Variants in KCNK2 observed in about 807,000 individuals in gnomAD.
KCNK2 encodes the protein potassium channel subfamily K member 2.
In KCNK2, 21 loss-of-function variants were observed where a neutral mutation model predicts 40.5. The observed-to-expected ratio is 0.52, with a 90% CI of 0.37 to 0.75. The LOEUF is 0.75. KCNK2 is among the 30% of genes least tolerant of loss of function. The pLI, the probability that KCNK2 is intolerant of heterozygous loss-of-function variation, is 0.00. For synonymous variants in KCNK2, 191 were observed against 202.2 expected (o/e 0.94, Z 0.47); for missense variants, 399 against 531.6 (o/e 0.75, Z 2.45).
chr1:215,220,349 G>A (rs1666120523), intron 6 of KCNK2, among the ~76,000 whole-genome samples: 1 of 151,998 alleles, frequency 6.6e-6, no homozygotes, highest in African/African-American at 2.4e-5. Flanking sequence ...TTGAGTTGCC[G>A]CTACTGCCAC....
In KCNK2 at chr1:215,137,987, A is replaced by G. The variant is rs142378900; in HGVS notation, c.475+13237A>G. On this transcript the variant is annotated intron_variant, in intron 3 of 6. Transcript: ENST00000444842. ...TTCTCAAAGGGGTCCATAAACCACA[A>G]AAGGGTTTAGAACCATTGGCTTGTA... 2.0e-3 allele frequency among the ~76,000 whole-genome samples: 312 copies of G among 152,298 alleles called. 2 individuals are homozygous for G. Among genetic ancestry groups the G allele is most frequent in the African/African-American group, 6.6e-3 (274 of 41,574 alleles).
intron 1 of KCNK2, among the ~76,000 whole-genome samples, chr1:215,084,182 GCACACACACACACA>G (rs71945726): frequency 9.2e-5 from 13 of 141,978 alleles, no homozygotes; most frequent in African/African-American, 3.5e-4. Flanking sequence ...TTAGGTTAAT[GCACACACACACACA>G]CACACACACA....
intron 1 of KCNK2, among the ~76,000 whole-genome samples, chr1:215,009,477 T>C (rs1020336523): frequency 6.6e-6 from 1 of 152,102 alleles, no homozygotes; most frequent in African/African-American, 2.4e-5. Context: ...TTATCTCACT[T>C]TGAAGTGGAG....
intron 5 of KCNK2, among the ~76,000 whole-genome samples, chr1:215,175,361 A>T (rs551755874): frequency 6.6e-6 from 1 of 152,144 alleles, no homozygotes; most frequent in Admixed American, 6.6e-5. Flanking sequence ...TTAAATATTT[A>T]TTTTTATTTA....
At chr1:215,016,232 G>C (rs1656580368) in intron 1 of KCNK2, among the ~76,000 whole-genome samples, 1 of 152,016 alleles carries the variant, frequency 6.6e-6, no homozygotes, top group Non-Finnish European at 1.5e-5. Context: ...AAACTATTCA[G>C]AGCATGAAGC....
At chr1:215,082,682 T>G (rs1166860667), upstream of KCNK2, among the ~76,000 whole-genome samples, 11 of 148,416 alleles carry the variant, frequency 7.4e-5, no homozygotes, top group Admixed American at 7.4e-4. Context: ...AAGCAAGCCC[T>G]GGCGGTGAGA....
At chr1:215,205,486 A>C (rs931795954) in intron 6 of KCNK2, among the ~76,000 whole-genome samples, 1 of 151,346 alleles carries the variant, frequency 6.6e-6, no homozygotes, top group Non-Finnish European at 1.5e-5. Context: ...CAGGTGATCC[A>C]CCCGCCTCGG....
intron 1 of KCNK2, among the ~76,000 whole-genome samples, chr1:215,056,499 C>CAAAAAAAAA (rs376076606): frequency 3.8e-4 from 21 of 55,102 alleles, no homozygotes; most frequent in African/African-American, 5.8e-4. Flanking sequence ...GACTCAGTCT[C>CAAAAAAAAA]AAAAAAAAAA....
chr1:215,219,751 A>C (rs1288571380), intron 6 of KCNK2, among the ~76,000 whole-genome samples: 1 of 152,098 alleles, frequency 6.6e-6, no homozygotes, highest in Non-Finnish European at 1.5e-5. Context: ...TTGTTTATTT[A>C]TGTGAATACA....
intron 1 of KCNK2, among the ~76,000 whole-genome samples, chr1:215,038,158 A>C (rs1657448280): frequency 6.6e-6 from 1 of 152,036 alleles, no homozygotes; most frequent in Non-Finnish European, 1.5e-5. Flanking sequence ...CAGAGATTAG[A>C]GACCCTGAAT....
chr1:215,044,591 T>A (rs2102494800), intron 1 of KCNK2, among the ~76,000 whole-genome samples: 1 of 152,264 alleles, frequency 6.6e-6, no homozygotes, highest in African/African-American at 2.4e-5. Context: ...TGTGGTTGCT[T>A]GGCAAAGTAA....
At chr1:215,213,071 G>A (rs539613552) in intron 6 of KCNK2, among the ~76,000 whole-genome samples, 29 of 152,244 alleles carry the variant, frequency 1.9e-4, no homozygotes, top group African/African-American at 6.7e-4. Flanking sequence ...GAATAAATGC[G>A]TTCCTGGCTT....
intron 6 of KCNK2, among the ~76,000 whole-genome samples, chr1:215,223,689 CTTCTA>C (rs1239157073): frequency 2.0e-5 from 3 of 152,142 alleles, no homozygotes; most frequent in East Asian, 1.9e-4. Flanking sequence ...ACACCACATA[CTTCTA>C]TTCTAAGGTA....
intron 6 of KCNK2, among the ~76,000 whole-genome samples, chr1:215,212,925 C>T (rs1252381010): frequency 6.6e-6 from 1 of 152,198 alleles, no homozygotes; most frequent in African/African-American, 2.4e-5. Flanking sequence ...CTTCAGAGTA[C>T]TGATGCTATT....
At chr1:215,167,115 T>C (rs995034828) in intron 3 of KCNK2, among the ~76,000 whole-genome samples, 2 of 152,076 alleles carry the variant, frequency 1.3e-5, no homozygotes, top group Non-Finnish European at 2.9e-5. Flanking sequence ...AATATGTGGG[T>C]TAAAGTGACT....
intron 1 of KCNK2, among the ~76,000 whole-genome samples, chr1:215,011,601 A>AT (rs957516234): frequency 7.5e-5 from 11 of 147,586 alleles, no homozygotes; most frequent in Admixed American, 1.4e-4. Flanking sequence ...CTTGAGTCTG[A>AT]TTTTTTTTTA....
chr1:215,046,113 C>T (rs577775655), intron 1 of KCNK2, among the ~76,000 whole-genome samples: 4 of 152,230 alleles, frequency 2.6e-5, no homozygotes, highest in African/African-American at 9.6e-5. Context: ...TTAAGCTGTA[C>T]TCAGACTTGT....
chr1:215,167,334 CA>C (rs34996326), intron 3 of KCNK2, among the ~76,000 whole-genome samples: 112,641 of 147,162 alleles, frequency 0.77, 42,956 homozygotes, highest in Non-Finnish European at 0.78. Flanking sequence ...GTAACAACGA[CA>C]AAAAAAAAAA....
intron 3 of KCNK2, among the ~76,000 whole-genome samples, chr1:215,155,218 A>T (rs1048971678): frequency 2.6e-4 from 39 of 152,136 alleles, no homozygotes; most frequent in African/African-American, 9.2e-4. Context: ...TTAGAATATC[A>T]TATTTATCAA....
Sources: gnomAD v4.1 joint callset for allele counts (sites outside exome capture counted in the v4.1 genomes callset) on GRCh38, gnomAD v4.1.1 for gene constraint, MANE v1.5 for transcripts, NCBI Gene and HGNC (gene_info 2026-07-23, HGNC 2026-07-21) for gene names.